PCDHA5: variants seen among roughly 807,000 people sequenced by gnomAD.
The protein encoded by PCDHA5 is protocadherin alpha-5.
In PCDHA5, 43 loss-of-function variants were observed where a neutral mutation model predicts 61.6. That is an observed-to-expected ratio of 0.70 (90% CI 0.55 to 0.90). The LOEUF (loss-of-function observed/expected upper bound fraction) is 0.90. Among genes scored for constraint, PCDHA5 ranks in the 40% least tolerant of loss-of-function variants. The pLI is 0.00. For synonymous variants in PCDHA5, 627 were observed against 543.9 expected (o/e 1.15, Z -2.13); for missense variants, 1,298 against 1,222.7 (o/e 1.06, Z -0.92).
intron 1 of PCDHA5, chr5:140,928,400 C>G: frequency 6.2e-7 from 1 of 1,614,038 alleles, no homozygotes; most frequent in Non-Finnish European, 8.5e-7. Flanking sequence ...GTGGAATCAT[C>G]CAGTGGGGCC....
intron 1 of PCDHA5, among the ~76,000 whole-genome samples, chr5:140,837,663 C>A (rs1159426304): frequency 6.6e-6 from 1 of 150,710 alleles, no homozygotes; most frequent in Non-Finnish European, 1.5e-5. Context: ...CTTTTTCTTT[C>A]ATTCTTTTTC....
intron 1 of PCDHA5, among the ~76,000 whole-genome samples, chr5:140,956,909 A>C (rs1395848380): frequency 2.0e-5 from 3 of 152,198 alleles, no homozygotes; most frequent in African/African-American, 7.2e-5. Context: ...TAAATGTATA[A>C]ACTTTAATCT....
At chr5:140,839,304 A>G (rs1554137374) in intron 1 of PCDHA5, among the ~76,000 whole-genome samples, 1 of 152,048 alleles carries the variant, frequency 6.6e-6, no homozygotes, top group Non-Finnish European at 1.5e-5. Flanking sequence ...AGTTTTAAAT[A>G]TCCTATTTAT....
At chr5:140,968,808 TGGATAGGG>T (rs782488281) in intron 1 of PCDHA5, 2 of 1,614,204 alleles carry the variant, frequency 1.2e-6, no homozygotes, top group Non-Finnish European at 1.7e-6. Context: ...GTAGCTGTGG[TGGATAGGG>T]TTTCCAAAAT....
chr5:140,828,840 G>C, intron 1 of PCDHA5: 1 of 1,614,210 alleles, frequency 6.2e-7, no homozygotes, highest in Non-Finnish European at 8.5e-7. Flanking sequence ...TACGAAGTAA[G>C]AATATTCGAA....
At chr5:141,009,173 G>A (rs1486905042) in intron 3 of PCDHA5, among the ~76,000 whole-genome samples, 3 of 152,204 alleles carry the variant, frequency 2.0e-5, no homozygotes, top group African/African-American at 7.2e-5. Flanking sequence ...TACTGGCCTT[G>A]GCTGGGTGTG....
chr5:140,971,799 TTA>T (rs1435483264), intron 1 of PCDHA5, among the ~76,000 whole-genome samples: 2 of 152,164 alleles, frequency 1.3e-5, no homozygotes, highest in East Asian at 3.8e-4. Flanking sequence ...ATATTGAATA[TTA>T]TAATATTGAA....
intron 1 of PCDHA5, chr5:140,861,823 G>A (rs2047101556): frequency 1.3e-5 from 2 of 159,302 alleles, no homozygotes; most frequent in Non-Finnish European, 2.7e-5. Flanking sequence ...TTTCAGATAG[G>A]TAAGTCACTT....
At chr5:140,876,337 G>T (rs1554168488) in intron 1 of PCDHA5, 1 of 1,614,016 alleles carries the variant, frequency 6.2e-7, no homozygotes, top group Admixed American at 1.7e-5. Flanking sequence ...GCCAGTGAGT[G>T]AGAAATGTAT....
At chr5:140,944,051 C>G (rs1383787401) in intron 1 of PCDHA5, among the ~76,000 whole-genome samples, 1 of 152,086 alleles carries the variant, frequency 6.6e-6, no homozygotes, top group East Asian at 1.9e-4. Context: ...GATTGGGATA[C>G]AAAAAGGTTT....
At position 141,011,373 on chromosome 5, in the gene PCDHA5, TAA is replaced by T. The variant is rs1299941460; in HGVS notation, c.*1437_*1438del. The T allele has an allele frequency of 1.3e-5, 2 of 153,792 alleles. No homozygotes were observed. Among genetic ancestry groups the T allele is most frequent in the Non-Finnish European group, 2.9e-5 (2 of 68,046 alleles). The allele number at this position is 153,792 out of a possible 1,614,324, so 9.5% of individuals were successfully genotyped here. A position where few individuals can be genotyped will look rare whatever the true frequency, so the allele number is the denominator to read the frequency against. The stretch of plus-strand genomic sequence containing the variant: ...CCCATATGTATGCTGTATGCTATGC[TAA>T]GACTCCTGAAATATACTTACTCTGT... On this transcript the variant is annotated 3_prime_UTR_variant, in exon 4 of 4. Coordinates refer to ENST00000529859, the MANE Select transcript of PCDHA5 (RefSeq NM_018908.3).
At chr5:140,884,066 G>A in intron 1 of PCDHA5, 1 of 1,613,512 alleles carries the variant, frequency 6.2e-7, no homozygotes, top group South Asian at 1.1e-5. Flanking sequence ...GGTGGACGCC[G>A]ATTCGGGCTA....
intron 3 of PCDHA5, among the ~76,000 whole-genome samples, chr5:141,007,475 C>G (rs575810038): frequency 1.3e-5 from 2 of 151,322 alleles, no homozygotes; most frequent in Non-Finnish European, 2.9e-5. Context: ...GGCTGAGGCA[C>G]GAGAATTACT....
intron 1 of PCDHA5, among the ~76,000 whole-genome samples, chr5:140,920,082 C>T (rs567545861): frequency 2.0e-5 from 3 of 152,248 alleles, no homozygotes; most frequent in East Asian, 1.9e-4. Context: ...ACAGATTCTC[C>T]GTAGAGCCTC....
At chr5:140,933,659 C>G (rs552302723) in intron 1 of PCDHA5, among the ~76,000 whole-genome samples, 1 of 152,058 alleles carries the variant, frequency 6.6e-6, no homozygotes, top group East Asian at 1.9e-4. Context: ...TCCTGTCTCT[C>G]TCTCTGTCTC....
chr5:140,966,578 G>A, intron 1 of PCDHA5: 1 of 527,316 alleles, frequency 1.9e-6, no homozygotes, highest in Non-Finnish European at 3.1e-6. Context: ...GGGAGTCAGC[G>A]AGGACGGTGG....
chr5:140,884,504 G>A (rs782001863), intron 1 of PCDHA5: 5 of 1,614,180 alleles, frequency 3.1e-6, no homozygotes, highest in Admixed American at 3.3e-5. Flanking sequence ...CAGCGCGGCA[G>A]GGAGTTGGTC....
At chr5:140,875,268 A>G (rs1484025646) in intron 1 of PCDHA5, 4 of 1,218,994 alleles carry the variant, frequency 3.3e-6, no homozygotes, top group Non-Finnish European at 4.4e-6. Context: ...GTCGCTCTAC[A>G]CTCAGAAGGT....
chr5:140,895,692 A>G (rs1367486030), intron 1 of PCDHA5, among the ~76,000 whole-genome samples: 1 of 152,138 alleles, frequency 6.6e-6, no homozygotes, highest in African/African-American at 2.4e-5. Flanking sequence ...CTGTTTCTAT[A>G]TTAATTCACT....
Sources: gnomAD v4.1 joint callset for allele counts (sites outside exome capture counted in the v4.1 genomes callset) on GRCh38, gnomAD v4.1.1 for gene constraint, MANE v1.5 for transcripts, NCBI Gene and HGNC (gene_info 2026-07-23, HGNC 2026-07-21) for gene names.